The following E2F1 variants were observed in gnomAD, a reference collection of about 807,000 sequenced individuals.
E2F1 encodes transcription factor E2F1.
E2F1 carries 7 observed loss-of-function variants against 36.9 expected under a neutral mutation model. The observed-to-expected ratio is 0.19, with a 90% CI of 0.11 to 0.36. The LOEUF (loss-of-function observed/expected upper bound fraction) is 0.36, where lower values mean the gene tolerates loss of function less well. E2F1 is among the 10% of genes least tolerant of loss of function. The pLI is 1.00. For synonymous variants in E2F1, 261 were observed against 263.1 expected (o/e 0.99, Z 0.08); for missense variants, 406 against 573.6 (o/e 0.71, Z 2.99).
chr20:33,685,478 A>G (rs1188644237), intron 1 of E2F1, among the ~76,000 whole-genome samples: 2 of 151,952 alleles, frequency 1.3e-5, no homozygotes, highest in African/African-American at 4.8e-5. Flanking sequence ...CCCCGCCTTC[A>G]CTTCCCCTAG....
intron 6 of E2F1, 29 bp downstream of exon 6, chr20:33,677,076 C>G (rs1309827408): frequency 6.3e-6 from 10 of 1,594,610 alleles, no homozygotes; most frequent in Non-Finnish European, 7.7e-6. Context: ...GGGGCCCTGC[C>G]CCACCCCACC....
chr20:33,676,882 C>T lies in E2F1; in HGVS notation c.1164G>A (p.Arg388=). ...VAADSLLEHV[R]EDFSGLLPEE... ...CAGGGAGGAGGCCGGAGAAGTCCTCCCGCACATGCTCCAGGAGCGAGTCGG... is the reference window on the plus strand; with the variant it reads ...CAGGGAGGAGGCCGGAGAAGTCCTCTCGCACATGCTCCAGGAGCGAGTCGG... Residue 388 remains arginine (R), a synonymous_variant, in exon 7 of 7, where the codon CGG becomes CGA. Coordinates refer to ENST00000343380, the MANE Select transcript of E2F1 (RefSeq NM_005225.3). The T allele has an allele frequency of 6.3e-7, 1 of 1,577,860 alleles. No individual in the cohort carries two copies. The highest frequency in any genetic ancestry group is 8.6e-7 in the Non-Finnish European group (1 of 1,160,810).
In E2F1 at chr20:33,681,307, G is replaced by A. The variant is rs556044014; in HGVS notation, c.262-891C>T. Among the ~76,000 whole-genome samples the A allele has an allele frequency of 6.7e-4, 102 of 152,178 alleles. 1 individual carries two copies. Among genetic ancestry groups the A allele is most frequent in the Non-Finnish European group, 1.2e-3 (81 of 68,026 alleles). ...TCCCATCTCAGCCTTCACTGTAGTC[G>A]TGCTGGGACTAGTCAGCCACCATGC... On this transcript the variant is annotated intron_variant, in intron 1 of 6. Transcript: ENST00000343380.
At chr20:33,677,623 G>T in intron 4 of E2F1, 83 bp from the exon 5 acceptor site, 2 of 1,060,352 alleles carry the variant, frequency 1.9e-6, no homozygotes, top group Non-Finnish European at 2.8e-6. Flanking sequence ...GCTCACACCT[G>T]CCTAGTCACT....
intron 3 of E2F1, among the ~76,000 whole-genome samples, chr20:33,678,812 C>T (rs369148800): frequency 2.6e-5 from 4 of 152,178 alleles, no homozygotes; most frequent in African/African-American, 7.2e-5. Context: ...AGACATTAGC[C>T]AGACATGGTG....
At position 33,676,526 on chromosome 20, in the gene E2F1, A is replaced by G. The variant is rs2017959152; in HGVS notation, c.*206T>C. 1 of 659,524 alleles carries G rather than the reference A, an allele frequency of 1.5e-6. No homozygotes were observed. Among genetic ancestry groups the G allele is most frequent in the Non-Finnish European group, 2.4e-6 (1 of 408,966 alleles). 40.9% of individuals were successfully genotyped at this position (659,524 alleles called of 1,614,324 possible). ...GTGTGGGTGTAGGCTGCATGCACAT[A>G]CACACCACACAGACTCCTTCCCTTC... On this transcript the variant is annotated 3_prime_UTR_variant, in exon 7 of 7. Transcript: ENST00000343380.
intron 1 of E2F1, among the ~76,000 whole-genome samples, chr20:33,681,759 T>C (rs964822227): frequency 1.3e-5 from 2 of 152,106 alleles, no homozygotes; most frequent in East Asian, 3.9e-4. Flanking sequence ...CAAGAACTGC[T>C]CATCACCACG....
rs79132703 is a variant in E2F1, at chr20:33,680,646, C to A, written c.262-230G>T. On this transcript the variant is annotated intron_variant, in intron 1 of 6. Coordinates refer to ENST00000343380, the MANE Select transcript of E2F1 (RefSeq NM_005225.3). ...TCTAGCGGTGGATTTAAAACACATC[C>A]GCAAACTTTCTGATCCTTCTCCTTC... is the stretch of plus-strand genomic sequence containing the variant. 4.9e-4 allele frequency among the ~76,000 whole-genome samples: 75 copies of A among 152,306 alleles called. No individual in the cohort carries two copies. In the East Asian group the frequency reaches 0.014, roughly 29 times the overall value.
chr20:33,683,323 C>T (rs996579714), intron 1 of E2F1, among the ~76,000 whole-genome samples: 3 of 151,850 alleles, frequency 2.0e-5, no homozygotes, highest in Admixed American at 1.3e-4. Context: ...TGGTGGTGCA[C>T]GTCTGTAGTC....
At position 33,676,770 on chromosome 20, in the gene E2F1, C is replaced by T. The variant is rs777420006; in HGVS notation, c.1276G>A (p.Asp426Asn). ...EEGEGIRDLFDCDFGDLTPLD... is the reference protein window; with the variant it reads ...EEGEGIRDLFNCDFGDLTPLD... ...GGGGTGAGGTCCCCAAAGTCACAGT[C>T]GAAGAGGTCTCTGATGCCCTCGCCC... Residue 426 changes from aspartate to asparagine, a missense_variant, in exon 7 of 7, where the codon GAC (aspartate) becomes AAC (asparagine). Transcript: ENST00000343380. 9 of 1,608,674 alleles carry T rather than the reference C, an allele frequency of 5.6e-6. No homozygotes were observed. The highest frequency in any genetic ancestry group is 1.7e-5 in the Admixed American group (1 of 59,450).
intron 1 of E2F1, among the ~76,000 whole-genome samples, chr20:33,684,218 C>A (rs539043004): frequency 2.5e-4 from 38 of 152,180 alleles, no homozygotes; most frequent in Non-Finnish European, 4.4e-4. Flanking sequence ...ATCCTAGAAC[C>A]CATAATCCTG....
intron 1 of E2F1, among the ~76,000 whole-genome samples, chr20:33,681,002 CA>C (rs2122547637): frequency 6.6e-6 from 1 of 152,284 alleles, no homozygotes; most frequent in South Asian, 2.1e-4. Context: ...TCCTGACCCA[CA>C]AAAACTATAT....
In E2F1 at chr20:33,682,413, G is replaced by A. The variant is rs2018026510; in HGVS notation, c.262-1997C>T. Among the ~76,000 whole-genome samples the A allele has an allele frequency of 2.0e-5, 3 of 152,158 alleles. No homozygotes were observed. The South Asian group carries it at 6.2e-4, about 32-fold the overall frequency. On this transcript the variant is annotated intron_variant, in intron 1 of 6. Coordinates refer to ENST00000343380, the MANE Select transcript of E2F1 (RefSeq NM_005225.3). The stretch of plus-strand genomic sequence containing the variant: ...GAGAGAGGCCACACAGTGAGAGGTG[G>A]ACCCAGGACTTGCACCCTAGTTGGC...
chr20:33,679,856 G>A lies in E2F1; in HGVS notation c.471C>T (p.Ala157=), dbSNP rs903398417. ...GCCGCTTCTGCACCTTCAGCACCTC[G>A]GCAGCCCAGTTCAGGTCGACGACAC... is the stretch of plus-strand genomic sequence containing the variant. ...ADGVVDLNWA[A]EVLKVQKRRI... The change falls in exon 3 of 7, where the codon GCC becomes GCT. Residue 157 remains alanine, a synonymous_variant. Transcript: ENST00000343380. The surrounding 1 kb of genome is among the most constrained non-coding windows in gnomAD (Gnocchi z 4.6). 14 of 1,614,210 alleles carry A rather than the reference G, an allele frequency of 8.7e-6. No homozygotes were observed. The highest frequency in any genetic ancestry group is 2.2e-5 in the East Asian group (1 of 44,886).
In E2F1 at chr20:33,676,678, G is replaced by C. The variant is rs1385798604; in HGVS notation, c.*54C>G. On this transcript the variant is annotated 3_prime_UTR_variant, in exon 7 of 7. Coordinates refer to ENST00000343380, the MANE Select transcript of E2F1 (RefSeq NM_005225.3). Reference sequence around the variant, plus strand: ...GGACGGCCAGGGACAGGGGGCTCCAGGGCTGCAGAGACAAGGTGAGCATCT... The same window carrying C: ...GGACGGCCAGGGACAGGGGGCTCCACGGCTGCAGAGACAAGGTGAGCATCT... 6.5e-7 allele frequency: 1 copy of C among 1,540,208 alleles called. No homozygotes were observed. The highest frequency in any genetic ancestry group is 1.4e-5 in the African/African-American group (1 of 72,758).
In E2F1 at chr20:33,676,692, A is replaced by T. The variant is rs775233744; in HGVS notation, c.*40T>A. On this transcript the variant is annotated 3_prime_UTR_variant, in exon 7 of 7. Transcript: ENST00000343380. ...AGGGGGCTCCAGGGCTGCAGAGACA[A>T]GGTGAGCATCTCTGGAAACCCTGGT... 4.4e-5 allele frequency: 69 copies of T among 1,557,464 alleles called. No homozygotes were observed. Among genetic ancestry groups the T allele is most frequent in the Non-Finnish European group, 5.9e-5 (68 of 1,150,666 alleles).
Position 33,680,244 on chromosome 20 carries a change from G to A in E2F1, c.352+82C>T, listed in dbSNP as rs888803685. 11 of 1,454,452 alleles carry A rather than the reference G, an allele frequency of 7.6e-6. 1 individual carries two copies. Among genetic ancestry groups the A allele is most frequent in the Admixed American group, 7.4e-5 (4 of 53,938 alleles). The allele number at this position is 1,454,452 out of a possible 1,614,324, so 90.1% of individuals were successfully genotyped here. On this transcript the variant is annotated intron_variant, in intron 2 of 6. Coordinates refer to ENST00000343380, the MANE Select transcript of E2F1 (RefSeq NM_005225.3). ...CTCAAGCCCGACAAGCCAGACGTTA[G>A]CTTGCAAGCATGTTTGTCTGTTCAC...
intron 1 of E2F1, among the ~76,000 whole-genome samples, chr20:33,685,380 C>T (rs574538000): frequency 6.6e-6 from 1 of 152,014 alleles, no homozygotes; most frequent in Admixed American, 6.5e-5. Context: ...CCTGGCCGGC[C>T]AGGCCTGCAC....
chr20:33,678,332 G>A lies in E2F1; in HGVS notation c.594C>T (p.Gly198=), dbSNP rs528731000. The A allele has an allele frequency of 1.3e-4, 210 of 1,612,284 alleles. 1 individual carries two copies. In the South Asian group the frequency reaches 2.1e-3, roughly 16 times the overall value. Residue 198 remains glycine (G), a synonymous_variant, in exon 4 of 7, where the codon GGC becomes GGT. Coordinates refer to ENST00000343380, the MANE Select transcript of E2F1 (RefSeq NM_005225.3). The part of the protein sequence containing the change: ...IQWLGSHTTV[G]VGGRLEGLTQ... ...TCAACCCCTCAAGCCGTCCGCCGAC[G>A]CCCACTGTGGTGTGGCTGCCCCTGT...
Sources: gnomAD v4.1 joint callset for allele counts (sites outside exome capture counted in the v4.1 genomes callset) on GRCh38, gnomAD v4.1.1 for gene constraint, Gnocchi (gnomAD v3.1) non-coding constraint, MANE v1.5 for transcripts, NCBI Gene and HGNC (gene_info 2026-07-23, HGNC 2026-07-21) for gene names.